Variants in UGGT2 observed in about 807,000 individuals in gnomAD.
UGGT2 encodes UDP-glucose:glycoprotein glucosyltransferase 2.
In UGGT2, 180 loss-of-function variants were observed where a neutral mutation model predicts 192.1. That is an observed-to-expected ratio of 0.94 (90% CI 0.83 to 1.06). The LOEUF (loss-of-function observed/expected upper bound fraction) is 1.06, where lower values mean the gene tolerates loss of function less well. Among genes scored for constraint, UGGT2 ranks in the 50% least tolerant of loss-of-function variants. The probability of loss-of-function intolerance (pLI) is 0.00; values close to 1 mark genes in which losing one functional copy is unlikely to be tolerated. For missense variants in UGGT2, 1,849 were observed against 1,795.7 expected, an observed-to-expected ratio of 1.03 and a Z score of -0.54; for synonymous variants, 580 against 591.0, an observed-to-expected ratio of 0.98 and a Z score of 0.27.
chr13:95,885,782 C>A (rs1443424286), intron 26 of UGGT2, among the ~76,000 whole-genome samples: 1 of 152,146 alleles, frequency 6.6e-6, no homozygotes, highest in African/African-American at 2.4e-5. Context: ...AAAAAGTATT[C>A]TCTGAATGTA....
intron 8 of UGGT2, among the ~76,000 whole-genome samples, chr13:95,989,348 A>C (rs2140893775): frequency 6.6e-6 from 1 of 152,274 alleles, no homozygotes; most frequent in Non-Finnish European, 1.5e-5. Context: ...AGTTGATAAA[A>C]GATGACAAAA....
chr13:95,984,048 G>A lies in UGGT2; in HGVS notation c.1032-184C>T, dbSNP rs150499255. ...TTTGACAAAAGTATTTGGTTCAAGT[G>A]GAATGGAGGTTCTCAAAATTTCATG... is the stretch of plus-strand genomic sequence containing the variant. On this transcript the variant is annotated intron_variant, in intron 9 of 38. Coordinates refer to ENST00000376747, the MANE Select transcript of UGGT2 (RefSeq NM_020121.4). 3.2e-3 allele frequency among the ~76,000 whole-genome samples: 487 copies of A among 152,272 alleles called. 3 individuals are homozygous for A. The highest frequency in any genetic ancestry group is 0.011 in the African/African-American group (471 of 41,544).
At chr13:96,032,358 C>A (rs1167389519) in intron 1 of UGGT2, among the ~76,000 whole-genome samples, 1 of 151,802 alleles carries the variant, frequency 6.6e-6, no homozygotes, top group African/African-American at 2.4e-5. Flanking sequence ...AAAAAGACCA[C>A]CTGTTTCATA....
rs557204829 is a variant in UGGT2 at position 95,830,259 on chromosome 13, C to A, written c.4528+2668G>T. ...ACTAAAACACCAAAAGCAATGGCAA[C>A]AAAAGCAAGAATTGAGAAATGGGAA... On this transcript the variant is annotated intron_variant, in intron 38 of 38. Coordinates refer to ENST00000376747, the MANE Select transcript of UGGT2 (RefSeq NM_020121.4). Among the ~76,000 whole-genome samples the A allele has an allele frequency of 3.9e-5, 6 of 152,236 alleles. No homozygotes were observed. The East Asian group carries it at 1.2e-3, about 29-fold the overall frequency.
At chr13:95,802,853 A>T (rs191139041) in intron 38 of UGGT2, among the ~76,000 whole-genome samples, 1 of 149,066 alleles carries the variant, frequency 6.7e-6, no homozygotes, top group East Asian at 2.0e-4. Flanking sequence ...TTGTTTTTTG[A>T]GACGGAGTCT....
chr13:95,829,211 T>C (rs1886393459), intron 38 of UGGT2, among the ~76,000 whole-genome samples: 3 of 152,152 alleles, frequency 2.0e-5, no homozygotes, highest in African/African-American at 7.2e-5. Flanking sequence ...ACAGCCAGTA[T>C]CATACTGAAT....
chr13:95,883,063 G>A lies in UGGT2; in HGVS notation c.3228+1428C>T, dbSNP rs538205092. Among the ~76,000 whole-genome samples the A allele has an allele frequency of 2.0e-5, 3 of 152,170 alleles. No individual in the cohort carries two copies. The East Asian group carries it at 5.8e-4, about 29-fold the overall frequency. On this transcript the variant is annotated intron_variant, in intron 27 of 38. Coordinates refer to ENST00000376747, the MANE Select transcript of UGGT2 (RefSeq NM_020121.4). ...CTCTAAATTTGAAGGACTGATATTAGAAGATGGTTATGACTGAGTTTTAGG... is the reference window on the plus strand; with the variant it reads ...CTCTAAATTTGAAGGACTGATATTAAAAGATGGTTATGACTGAGTTTTAGG...
chr13:95,954,261 C>A (rs1284548135), intron 12 of UGGT2, among the ~76,000 whole-genome samples: 1 of 152,066 alleles, frequency 6.6e-6, no homozygotes, highest in Admixed American at 6.6e-5. Context: ...TGTATGTAAA[C>A]CAAAAATAAA....
chr13:95,838,253 G>A (rs1157371122), intron 36 of UGGT2, among the ~76,000 whole-genome samples: 1 of 152,114 alleles, frequency 6.6e-6, no homozygotes. Context: ...AATAAAATAT[G>A]TTCCTCAACA....
At chr13:95,847,664 T>C (rs534703870) in intron 36 of UGGT2, among the ~76,000 whole-genome samples, 1 of 152,350 alleles carries the variant, frequency 6.6e-6, no homozygotes, top group South Asian at 2.1e-4. Context: ...TTAATAATAT[T>C]CCATGGTCTG....
chr13:95,932,335 G>C (rs1364700104), intron 17 of UGGT2, among the ~76,000 whole-genome samples: 1 of 151,532 alleles, frequency 6.6e-6, no homozygotes, highest in Non-Finnish European at 1.5e-5. Flanking sequence ...GTGTGTGTGT[G>C]TGTGTGTGTG....
chr13:96,013,225 T>C (rs1011906069), intron 5 of UGGT2, 82 bp downstream of exon 5: 3 of 1,329,428 alleles, frequency 2.3e-6, no homozygotes, highest in Non-Finnish European at 3.0e-6. Context: ...TGAAAATTAA[T>C]ATTTAAATCT....
chr13:95,949,523 A>G (rs1170813257), intron 12 of UGGT2, 69 bp from the exon 13 acceptor site: 3 of 1,330,602 alleles, frequency 2.3e-6, no homozygotes, highest in Non-Finnish European at 2.9e-6. Flanking sequence ...CCAGATTTTT[A>G]CTATATCGTG....
chr13:95,847,317 T>C (rs1461784999), intron 36 of UGGT2, among the ~76,000 whole-genome samples: 1 of 152,178 alleles, frequency 6.6e-6, no homozygotes, highest in African/African-American at 2.4e-5. Context: ...TTATACTCAT[T>C]CAAAGTCTAC....
At chr13:96,007,711 GAATT>G (rs1488528215) in intron 5 of UGGT2, among the ~76,000 whole-genome samples, 1 of 151,844 alleles carries the variant, frequency 6.6e-6, no homozygotes, top group African/African-American at 2.4e-5. Flanking sequence ...AAATACCTAG[GAATT>G]AATTTAACCA....
rs749779699 is a variant in UGGT2 at position 95,927,313 on chromosome 13, A to G, written c.2001T>C (p.Asn667=). 1.2e-6 allele frequency: 2 copies of G among 1,608,078 alleles called. No individual in the cohort carries two copies. Among genetic ancestry groups the G allele is most frequent in the Admixed American group, 1.7e-5 (1 of 58,542 alleles). ...TCCTATCCATTAGAAAATCAATTGC[A>G]TTCGTGCGATCATTTAATGTGCCCT... ...VFLGTLNDRT[N]AIDFLMDRNN... is the part of the protein sequence containing the mutation. Residue 667 remains asparagine (N), a synonymous_variant, in exon 18 of 39, where the codon AAT becomes AAC. Coordinates refer to ENST00000376747, the MANE Select transcript of UGGT2 (RefSeq NM_020121.4).
chr13:95,956,951 TAAAC>T (rs1165864919), intron 12 of UGGT2, among the ~76,000 whole-genome samples: 4 of 152,196 alleles, frequency 2.6e-5, no homozygotes, highest in African/African-American at 9.6e-5. Context: ...GATGAATGGA[TAAAC>T]AAACTGTGGT....
At chr13:96,039,336 C>A (rs1327433050) in intron 1 of UGGT2, among the ~76,000 whole-genome samples, 2 of 152,142 alleles carry the variant, frequency 1.3e-5, no homozygotes, top group African/African-American at 4.8e-5. Context: ...CTAATACATT[C>A]CCCAAAACTT....
chr13:95,939,103 T>G (rs949665834), intron 16 of UGGT2, among the ~76,000 whole-genome samples: 1 of 152,198 alleles, frequency 6.6e-6, no homozygotes, highest in Non-Finnish European at 1.5e-5. Flanking sequence ...GACCCCTTGC[T>G]TGCCTCTCCA....
Sources: allele counts gnomAD v4.1 joint callset (sites outside exome capture counted in the v4.1 genomes callset), GRCh38; gene constraint gnomAD v4.1.1; transcripts MANE v1.5; gene names NCBI Gene and HGNC (gene_info 2026-07-23, HGNC 2026-07-21).